Variants in BMP1 observed in about 807,000 individuals in gnomAD.
BMP1 encodes mammalian tolloid protein.
BMP1 carries 63 observed loss-of-function variants against 116.8 expected under a neutral mutation model. The ratio of observed to expected loss-of-function variants is 0.54; its 90% CI spans 0.44 to 0.67. The LOEUF (loss-of-function observed/expected upper bound fraction) is 0.67. Ranked by LOEUF, BMP1 falls within the 30% of genes least tolerant of loss-of-function variation. BMP1 has a pLI of 0.00. For missense variants in BMP1, 1,183 were observed against 1,358.9 expected (o/e 0.87, Z 2.04); for synonymous variants, 536 against 533.4 (o/e 1.00, Z -0.07).
intron 15 of BMP1, chr8:22,199,275 T>C: frequency 1.5e-6 from 2 of 1,367,158 alleles, no homozygotes; most frequent in Non-Finnish European, 9.8e-7. Flanking sequence ...AGGGGAGCTA[T>C]TTGGACTTTT....
chr8:22,200,920 T>G (rs1829241572), intron 15 of BMP1, among the ~76,000 whole-genome samples: 1 of 152,090 alleles, frequency 6.6e-6, no homozygotes, highest in Non-Finnish European at 1.5e-5. Context: ...CTCCTGCCCC[T>G]GCTAACCCAG....
At chr8:22,173,939 A>G (rs1372966606) in intron 2 of BMP1, among the ~76,000 whole-genome samples, 1 of 152,234 alleles carries the variant, frequency 6.6e-6, no homozygotes, top group African/African-American at 2.4e-5. Flanking sequence ...TTTTGTTTAC[A>G]GTTTAAAAAC....
chr8:22,194,809 G>C lies in BMP1; in HGVS notation c.1529G>C (p.Cys510Ser). ...AGCAGCACCCTCATCGGGCGCTACT[G>C]TGGCTATGAGAAGCCTGATGACATC... ...SESSTLIGRY[C>S]GYEKPDDIKS... Residue 510 changes from cysteine (C) to serine (S), a missense_variant, in exon 12 of 20, where the codon TGT becomes TCT. By Grantham distance (112) the Cys-to-Ser change is moderately radical. Transcript: ENST00000306385. This position sits in a 1 kb window ranked among gnomAD's most constrained non-coding sequence, Gnocchi z 4.5. 1 of 1,614,210 alleles carries C rather than the reference G, an allele frequency of 6.2e-7. No homozygotes were observed. Among genetic ancestry groups the C allele is most frequent in the South Asian group, 1.1e-5 (1 of 91,088 alleles).
intron 1 of BMP1, among the ~76,000 whole-genome samples, chr8:22,167,792 C>G (rs1828160076): frequency 6.6e-6 from 1 of 152,168 alleles, no homozygotes; most frequent in Admixed American, 6.5e-5. Flanking sequence ...GTGACTGATG[C>G]TTGAGATCTG....
At chr8:22,193,127 G>A (rs1828982256) in intron 9 of BMP1, among the ~76,000 whole-genome samples, 1 of 152,026 alleles carries the variant, frequency 6.6e-6, no homozygotes, top group South Asian at 2.1e-4. Context: ...GCCTTATTAG[G>A]AACACACAAC....
intron 15 of BMP1, chr8:22,201,161 G>T (rs1239272181): frequency 1.3e-6 from 2 of 1,578,910 alleles, no homozygotes; most frequent in Non-Finnish European, 1.7e-6. Flanking sequence ...GCCCCCACCA[G>T]CTCAAATTCC....
chr8:22,167,390 C>A (rs1828146391), intron 1 of BMP1, among the ~76,000 whole-genome samples: 1 of 152,172 alleles, frequency 6.6e-6, no homozygotes, highest in African/African-American at 2.4e-5. Context: ...GCCAAAGACT[C>A]AGGGAGTTTC....
rs761534093 is a variant in BMP1 at position 22,176,210 on chromosome 8, G to A, written c.330G>A (p.Gly110=). ...TNGQPQRGAC[G]RWRGRSRSRR... ...GGCAGCCTCAGAGGGGAGCCTGTGG[G>A]AGATGGAGAGGTAGATCCCGTAGCC... The change falls in exon 3 of 20, where the codon GGG becomes GGA. Residue 110 remains glycine, a synonymous_variant. Coordinates refer to ENST00000306385, the MANE Select transcript of BMP1 (RefSeq NM_006129.5). 1 of 1,614,182 alleles carries A rather than the reference G, an allele frequency of 6.2e-7. No homozygotes were observed. The highest frequency in any genetic ancestry group is 1.1e-5 in the South Asian group (1 of 91,078).
chr8:22,206,291 C>A (rs1353408498), intron 16 of BMP1, among the ~76,000 whole-genome samples: 2 of 151,600 alleles, frequency 1.3e-5, no homozygotes, highest in Admixed American at 6.6e-5. Context: ...CTCCTGAGGT[C>A]GGGAGTTTGA....
In BMP1 at chr8:22,204,438, C is replaced by T. The variant is rs146827152; in HGVS notation, c.2234-2416C>T. On this transcript the variant is annotated intron_variant, in intron 16 of 19. Transcript: ENST00000306385. ...TGATCATCAGCTTGTAAATCTGAGT[C>T]GGGGCAGGGCGTGGTGGCTCATGCC... Among the ~76,000 whole-genome samples the T allele has an allele frequency of 4.3e-3, 654 of 152,222 alleles. 5 individuals carry two copies. The highest frequency in any genetic ancestry group is 0.015 in the African/African-American group (621 of 41,518).
chr8:22,168,837 G>T (rs1158137449), intron 1 of BMP1, among the ~76,000 whole-genome samples: 1 of 152,138 alleles, frequency 6.6e-6, no homozygotes, highest in Non-Finnish European at 1.5e-5. Context: ...CCTACATGGG[G>T]CAGGGCGGGG....
chr8:22,188,466 G>A (rs1009459449), intron 8 of BMP1, among the ~76,000 whole-genome samples: 2 of 152,084 alleles, frequency 1.3e-5, no homozygotes, highest in Non-Finnish European at 2.9e-5. Flanking sequence ...CACCGCACCC[G>A]GCCCCATCTC....
intron 8 of BMP1, among the ~76,000 whole-genome samples, chr8:22,182,749 A>G (rs1207379412): frequency 1.3e-5 from 2 of 152,220 alleles, no homozygotes; most frequent in Non-Finnish European, 2.9e-5. Flanking sequence ...TGCAATTCCC[A>G]GAATCCGCTC....
intron 6 of BMP1, among the ~76,000 whole-genome samples, chr8:22,178,483 C>T (rs1828519014): frequency 6.6e-6 from 1 of 152,076 alleles, no homozygotes; most frequent in Non-Finnish European, 1.5e-5. Context: ...ACTATATTGC[C>T]CAGGCTGGTC....
Position 22,176,785 on chromosome 8 carries a change from GGAAC to G in BMP1, c.551+136_551+139del. The G allele has an allele frequency of 5.5e-6, 6 of 1,082,532 alleles. 1 individual carries two copies. The South Asian group carries it at 7.1e-5, about 13-fold the overall frequency. 67.1% of individuals were successfully genotyped at this position (1,082,532 alleles called of 1,614,324 possible). The stretch of plus-strand genomic sequence containing the variant: ...CCTCCTGCTATGGGGCATCTACCCA[GGAAC>G]TGCCCCCTGTGCGGCTGTGACCTCC... On this transcript the variant is annotated intron_variant, in intron 4 of 19. Transcript: ENST00000306385.
chr8:22,201,065 T>TG, intron 15 of BMP1: 1 of 1,192,904 alleles, frequency 8.4e-7, no homozygotes, highest in Non-Finnish European at 1.1e-6. Flanking sequence ...CCCTGGTCCC[T>TG]GCCCTCCACC....
chr8:22,181,028 T>TC (rs1828605559), intron 8 of BMP1, among the ~76,000 whole-genome samples: 1 of 152,140 alleles, frequency 6.6e-6, no homozygotes, highest in Non-Finnish European at 1.5e-5. Context: ...TGGGAACAAT[T>TC]AAGGAATGAT....
intron 1 of BMP1, among the ~76,000 whole-genome samples, chr8:22,173,272 C>A (rs892544214): frequency 6.6e-6 from 1 of 152,160 alleles, no homozygotes; most frequent in African/African-American, 2.4e-5. Flanking sequence ...GGCAACATAG[C>A]AAGACCCTGC....
chr8:22,175,896 C>T (rs1006898303), intron 2 of BMP1, among the ~76,000 whole-genome samples: 5 of 152,152 alleles, frequency 3.3e-5, no homozygotes, highest in Admixed American at 1.3e-4. Context: ...AAGCAGAAAG[C>T]GGAGCGTTGC....
Sources: gnomAD v4.1 joint callset for allele counts (sites outside exome capture counted in the v4.1 genomes callset) on GRCh38, gnomAD v4.1.1 for gene constraint, Gnocchi (gnomAD v3.1) non-coding constraint, MANE v1.5 for transcripts, NCBI Gene and HGNC (gene_info 2026-07-23, HGNC 2026-07-21) for gene names.